The following DTX4 variants were observed in gnomAD, a reference collection of about 807,000 sequenced individuals.
DTX4 encodes the protein deltex E3 ubiquitin ligase 4, also known as E3 ubiquitin-protein ligase DTX4.
DTX4 carries 28 observed loss-of-function variants against 57.6 expected under a neutral mutation model. That is an observed-to-expected ratio of 0.49 (90% CI 0.36 to 0.67). DTX4 has a LOEUF of 0.67. Among genes scored for constraint, DTX4 ranks in the 30% least tolerant of loss-of-function variants. DTX4 has a pLI of 0.00. For missense variants in DTX4, 715 were observed against 836.8 expected (o/e 0.85, Z 1.80); for synonymous variants, 316 against 331.0 (o/e 0.95, Z 0.49).
At chr11:59,184,186 C>T (rs1449287179) in intron 2 of DTX4, among the ~76,000 whole-genome samples, 1 of 152,186 alleles carries the variant, frequency 6.6e-6, no homozygotes, top group Non-Finnish European at 1.5e-5. Context: ...CACACAGCAC[C>T]ATCCTGGGGG....
chr11:59,181,411 A>G (rs917895737), intron 1 of DTX4, among the ~76,000 whole-genome samples: 3 of 152,232 alleles, frequency 2.0e-5, no homozygotes, highest in African/African-American at 4.8e-5. Flanking sequence ...GAGAGGTTCT[A>G]TATTAGCTAG....
In DTX4 at chr11:59,195,245, A is replaced by G; in HGVS notation, c.1412A>G (p.Tyr471Cys). 2 of 1,613,950 alleles carry G rather than the reference A, an allele frequency of 1.2e-6. No homozygotes were observed. The highest frequency in any genetic ancestry group is 1.3e-5 in the African/African-American group (1 of 75,022). The change falls in exon 7 of 9, where the codon TAT (tyrosine) becomes TGT (cysteine). Residue 471 changes from tyrosine to cysteine, a missense_variant. Physicochemically the swap from Tyr to Cys is radical, Grantham distance 194. Coordinates refer to ENST00000227451, the MANE Select transcript of DTX4 (RefSeq NM_015177.2). ...CAGTGTCCAACCTGCAAGACCATTT[A>G]TGGGGTGAAGACAGGCACCCAACCT... is the stretch of plus-strand genomic sequence containing the variant. Reference protein sequence around the residue: ...SLQCPTCKTIYGVKTGTQPPG... With the variant: ...SLQCPTCKTICGVKTGTQPPG...
Position 59,189,195 on chromosome 11 carries a change from T to C in DTX4, c.1031T>C (p.Leu344Pro). 6.2e-7 allele frequency: 1 copy of C among 1,613,790 alleles called. No individual in the cohort carries two copies. The highest frequency in any genetic ancestry group is 1.1e-5 in the South Asian group (1 of 91,024). Residue 344 changes from leucine (L) to proline (P), a missense_variant, in exon 4 of 9, where the codon CTG becomes CCG. Physicochemically the swap from Leu to Pro is moderately conservative, Grantham distance 98. Transcript: ENST00000227451. ...GGGATCCTCATGAGTGCAGCGGGGC[T>C]GCCTGTGTGTCTCACCAGGCCACCA... ...ITGILMSAAGLPVCLTRPPKL... is the reference protein window; with the variant it reads ...ITGILMSAAGPPVCLTRPPKL...
At chr11:59,180,250 A>G (rs753560137) in intron 1 of DTX4, among the ~76,000 whole-genome samples, 20 of 152,100 alleles carry the variant, frequency 1.3e-4, no homozygotes, top group Non-Finnish European at 2.2e-4. Flanking sequence ...TAGGAAGGAA[A>G]TGGAGGCAAA....
intron 1 of DTX4, among the ~76,000 whole-genome samples, chr11:59,180,867 C>CCTA (rs907442070): frequency 6.6e-6 from 1 of 152,110 alleles, no homozygotes; most frequent in Non-Finnish European, 1.5e-5. Flanking sequence ...GACAATCCTA[C>CCTA]CTTTAGGAGG....
chr11:59,202,435 A>C (rs542353989), intron 8 of DTX4, among the ~76,000 whole-genome samples: 38 of 152,368 alleles, frequency 2.5e-4, no homozygotes, highest in African/African-American at 9.1e-4. Flanking sequence ...AAATTAAATG[A>C]AAATATCATT....
chr11:59,202,126 G>A (rs1314604709), intron 8 of DTX4, among the ~76,000 whole-genome samples: 1 of 152,236 alleles, frequency 6.6e-6, no homozygotes, highest in African/African-American at 2.4e-5. Flanking sequence ...AAACAACAAA[G>A]TGCACTCTTC....
Position 59,172,647 on chromosome 11 carries a change from C to G in DTX4, c.52C>G (p.Arg18Gly). ...CTGGGAATGGCTGAACGAGCACGGCCGCTGGCGTCCCTACAGCCCAGCGGT... is the reference window on the plus strand; with the variant it reads ...CTGGGAATGGCTGAACGAGCACGGCGGCTGGCGTCCCTACAGCCCAGCGGT... ...VVWEWLNEHG[R>G]WRPYSPAVSH... Residue 18 changes from arginine to glycine, a missense_variant, in exon 1 of 9, where the codon CGC becomes GGC. Physicochemically the swap from Arg to Gly is moderately radical, Grantham distance 125 (BLOSUM62 -2). Coordinates refer to ENST00000227451, the MANE Select transcript of DTX4 (RefSeq NM_015177.2). The G allele has an allele frequency of 6.3e-7, 1 of 1,592,298 alleles. No homozygotes were observed. The highest frequency in any genetic ancestry group is 1.3e-5 in the African/African-American group (1 of 74,152).
intron 8 of DTX4, among the ~76,000 whole-genome samples, chr11:59,200,246 G>T (rs1160030149): frequency 6.6e-6 from 1 of 152,176 alleles, no homozygotes; most frequent in East Asian, 1.9e-4. Flanking sequence ...AGGGGAAACT[G>T]CCCCCATGAT....
rs74725520 is a variant in DTX4 at position 59,172,809 on chromosome 11, G to A, written c.211+3G>A. 2,433 of 1,546,390 alleles carry A rather than the reference G, an allele frequency of 1.6e-3. 42 individuals are homozygous for A. The African/African-American group carries it at 0.03, about 19-fold the overall frequency. On this transcript the variant is annotated splice_donor_region_variant and intron_variant, in intron 1 of 8. Coordinates refer to ENST00000227451, the MANE Select transcript of DTX4 (RefSeq NM_015177.2). ...GAACCAGTTCCGCCAAGACACGGGT[G>A]AGCCAGCCGCCCCTGACCCCGCCCC...
rs1290848252 is a variant in DTX4, at chr11:59,182,188, A to G, written c.661A>G (p.Met221Val). ...PLQLPVTRKN[M>V]PPPGVVKLPP... is the part of the protein sequence containing the mutation. ...ACAGCTGCCAGTGACCCGCAAGAAC[A>G]TGCCGCCTCCTGGAGTGGTCAAGCT... The change falls in exon 2 of 9, where the codon ATG (methionine) becomes GTG (valine). Residue 221 changes from methionine (M) to valine (V), a missense_variant. Met to Val is a conservative substitution (Grantham distance 21, BLOSUM62 1). Coordinates refer to ENST00000227451, the MANE Select transcript of DTX4 (RefSeq NM_015177.2). 1 of 1,612,464 alleles carries G rather than the reference A, an allele frequency of 6.2e-7. No individual in the cohort carries two copies. The highest frequency in any genetic ancestry group is 1.7e-5 in the Admixed American group (1 of 59,922).
intron 8 of DTX4, among the ~76,000 whole-genome samples, chr11:59,199,991 T>G (rs1302012223): frequency 6.6e-6 from 1 of 152,130 alleles, no homozygotes; most frequent in Non-Finnish European, 1.5e-5. Context: ...GACATTTAGT[T>G]TGTGTATTAG....
chr11:59,203,832 C>G (rs886340135), intron 8 of DTX4, among the ~76,000 whole-genome samples: 5 of 152,162 alleles, frequency 3.3e-5, no homozygotes, highest in African/African-American at 1.2e-4. Flanking sequence ...TGTCCCAATG[C>G]CCAACACTGA....
Position 59,189,245 on chromosome 11 carries a change from G to A in DTX4, c.1081G>A (p.Val361Ile), listed in dbSNP as rs376061897. The A allele has an allele frequency of 6.0e-5, 97 of 1,609,702 alleles. No homozygotes were observed. Among genetic ancestry groups the A allele is most frequent in the Admixed American group, 1.3e-4 (8 of 59,412 alleles). Reference sequence around the variant, plus strand: ...AAAGCTGGTCCTACACCCACCCCCCGTCAGCAAGAGTGAAATAAAATCCAT... The same window carrying A: ...AAAGCTGGTCCTACACCCACCCCCCATCAGCAAGAGTGAAATAAAATCCAT... ...PPKLVLHPPP[V>I]SKSEIKSIPG... Residue 361 changes from valine (V) to isoleucine (I), a missense_variant, in exon 4 of 9, where the codon GTC becomes ATC. Coordinates refer to ENST00000227451, the MANE Select transcript of DTX4 (RefSeq NM_015177.2).
chr11:59,193,304 A>G (rs931134144), intron 6 of DTX4, among the ~76,000 whole-genome samples: 1 of 152,170 alleles, frequency 6.6e-6, no homozygotes, highest in African/African-American at 2.4e-5. Flanking sequence ...TTATGCTATT[A>G]TTATTCAAAT....
intron 7 of DTX4, among the ~76,000 whole-genome samples, chr11:59,197,179 C>A (rs1249254776): frequency 6.6e-6 from 1 of 152,128 alleles, no homozygotes; most frequent in African/African-American, 2.4e-5. Context: ...ACCTGGTCGT[C>A]AACATCATTT....
chr11:59,189,387 C>A, intron 4 of DTX4, 64 bp downstream of exon 4: 1 of 1,450,628 alleles, frequency 6.9e-7, no homozygotes, highest in Non-Finnish European at 9.2e-7. Context: ...CCTGAGTCTG[C>A]CTCAACCTCC....
intron 2 of DTX4, among the ~76,000 whole-genome samples, chr11:59,185,637 G>A (rs1337536612): frequency 2.0e-5 from 3 of 152,170 alleles, no homozygotes; most frequent in Non-Finnish European, 4.4e-5. Flanking sequence ...TGTTCTCCAA[G>A]GTTTAACCAG....
chr11:59,186,531 CGAG>C (rs1862531321), intron 2 of DTX4, among the ~76,000 whole-genome samples: 2 of 152,122 alleles, frequency 1.3e-5, no homozygotes, highest in South Asian at 2.1e-4. Context: ...AAGAGCTGGG[CGAG>C]GAGAATCGGC....
Sources: allele counts gnomAD v4.1 joint callset (sites outside exome capture counted in the v4.1 genomes callset), GRCh38; gene constraint gnomAD v4.1.1; transcripts MANE v1.5; gene names NCBI Gene and HGNC (gene_info 2026-07-23, HGNC 2026-07-21).